Variants in GSTA5 observed in about 807,000 individuals in gnomAD.
GSTA5 encodes the protein glutathione S-transferase alpha 5.
GSTA5 carries 25 observed loss-of-function variants against 21.8 expected under a neutral mutation model. That is an observed-to-expected ratio of 1.14 (90% CI 0.83 to 1.60). The LOEUF is 1.60. GSTA5 is among the 40% of genes most tolerant of loss of function. The probability of loss-of-function intolerance (pLI) is 0.00; values close to 1 mark genes in which losing one functional copy is unlikely to be tolerated. For missense variants in GSTA5, 330 were observed against 259.2 expected, an observed-to-expected ratio of 1.27 and a Z score of -1.88; for synonymous variants, 102 against 89.5, an observed-to-expected ratio of 1.14 and a Z score of -0.78.
In GSTA5 at chr6:52,840,758, A is replaced by G. The variant is rs765813263; in HGVS notation, c.56T>C (p.Ile19Thr). Residue 19 changes from isoleucine (I) to threonine (T), a missense_variant, in exon 1 of 6, where the codon ATT (isoleucine) becomes ACT (threonine). Coordinates refer to ENST00000370989, the Ensembl canonical transcript of GSTA5. ...TCCAGCTGCAGCCAGGAGCCACCGA[A>G]TGGACTCCATACTGCCCCGTGCATT... The G allele has an allele frequency of 3.7e-6, 6 of 1,614,058 alleles. No individual in the cohort carries two copies. The East Asian group carries it at 6.7e-5, about 18-fold the overall frequency.
chr6:52,844,289 T>C (rs1212231507), upstream of GSTA5, among the ~76,000 whole-genome samples: 1 of 152,186 alleles, frequency 6.6e-6, no homozygotes, highest in African/African-American at 2.4e-5. Context: ...TATATTTTTC[T>C]ATTCATAGTA....
chr6:52,833,104 G>A, intron 4 of GSTA5, 114 bp from the exon 5 acceptor site: 1 of 1,184,232 alleles, frequency 8.4e-7, no homozygotes, highest in South Asian at 1.3e-5. Context: ...TTATTGCATG[G>A]GTGCAGAAAT....
In GSTA5 at chr6:52,836,380, G is replaced by GA. The variant is rs569817873; in HGVS notation, c.140-13dup. Reference sequence around the variant, plus strand: ...CAGCAAACTCCCATCTTAGAAAGAAGAAAAAAAAAGGAGTATGAAGTGTCT... The same window carrying GA: ...CAGCAAACTCCCATCTTAGAAAGAAGAAAAAAAAAAGGAGTATGAAGTGTCT... On this transcript the variant is annotated splice_polypyrimidine_tract_variant and intron_variant, in intron 2 of 5. Coordinates refer to ENST00000370989, the Ensembl canonical transcript of GSTA5. 499 of 1,514,404 alleles carry GA rather than the reference G, an allele frequency of 3.3e-4. No homozygotes were observed. Among genetic ancestry groups the GA allele is most frequent in the Middle Eastern group, 7.0e-4 (4 of 5,724 alleles). 93.8% of individuals were successfully genotyped at this position (1,514,404 alleles called of 1,614,324 possible).
At chr6:52,838,863 T>C (rs1764327273) in intron 1 of GSTA5, among the ~76,000 whole-genome samples, 1 of 152,228 alleles carries the variant, frequency 6.6e-6, no homozygotes, top group African/African-American at 2.4e-5. Flanking sequence ...TTTTCTTAAA[T>C]GGAATTTTGT....
chr6:52,834,973 G>C (rs778620774), intron 3 of GSTA5, among the ~76,000 whole-genome samples: 26 of 152,092 alleles, frequency 1.7e-4, no homozygotes, highest in Non-Finnish European at 3.4e-4. Context: ...TGTCAAACTA[G>C]AGTTTCACAA....
At chr6:52,834,358 T>G in intron 3 of GSTA5, 76 bp from the exon 4 acceptor site, 1 of 1,457,706 alleles carries the variant, frequency 6.9e-7, no homozygotes, top group Admixed American at 2.1e-5. Flanking sequence ...CCTAAGAAAA[T>G]AGAGGGTCAG....
At chr6:52,835,727 G>T (rs1764283198) in intron 3 of GSTA5, among the ~76,000 whole-genome samples, 1 of 152,082 alleles carries the variant, frequency 6.6e-6, no homozygotes, top group Non-Finnish European at 1.5e-5. Flanking sequence ...CCAGCATCCT[G>T]GGCACCAGCC....
At chr6:52,840,497 G>A (rs1335942775) in intron 1 of GSTA5, among the ~76,000 whole-genome samples, 4 of 152,024 alleles carry the variant, frequency 2.6e-5, no homozygotes, top group Non-Finnish European at 5.9e-5. Context: ...ATCCACTTAA[G>A]TTCTACACTT....
intron 1 of GSTA5, among the ~76,000 whole-genome samples, chr6:52,838,765 T>A (rs1269880347): frequency 6.6e-6 from 1 of 152,256 alleles, no homozygotes; most frequent in Non-Finnish European, 1.5e-5. Flanking sequence ...CAATCTTGAC[T>A]CTGCCTCAAA....
At chr6:52,835,506 G>A (rs542914557) in intron 3 of GSTA5, among the ~76,000 whole-genome samples, 1 of 152,310 alleles carries the variant, frequency 6.6e-6, no homozygotes, top group East Asian at 1.9e-4. Flanking sequence ...TAGTGTGGAT[G>A]TATTTTTGAT....
intron 1 of GSTA5, among the ~76,000 whole-genome samples, chr6:52,839,384 G>T (rs1764340404): frequency 6.6e-6 from 1 of 152,190 alleles, no homozygotes; most frequent in Non-Finnish European, 1.5e-5. Context: ...CTGCAGAGCT[G>T]ATGTCTGCGT....
At chr6:52,833,439 G>T (rs1209059093) in intron 4 of GSTA5, among the ~76,000 whole-genome samples, 1 of 152,126 alleles carries the variant, frequency 6.6e-6, no homozygotes, top group Non-Finnish European at 1.5e-5. Flanking sequence ...CTATTTCAGA[G>T]TCCTCATTTG....
At chr6:52,839,373 G>A (rs1019998375) in intron 1 of GSTA5, among the ~76,000 whole-genome samples, 23 of 152,176 alleles carry the variant, frequency 1.5e-4, no homozygotes, top group African/African-American at 5.6e-4. Context: ...ACATCCCTGA[G>A]CTGCAGAGCT....
intron 4 of GSTA5, among the ~76,000 whole-genome samples, chr6:52,833,319 C>T (rs868581295): frequency 1.4e-4 from 21 of 152,306 alleles, no homozygotes; most frequent in South Asian, 6.2e-4. Flanking sequence ...GGCCCTACAG[C>T]GTGGAGCCCT....
the GSTA5 span, chr6:52,846,055 C>T: frequency 6.3e-6 from 1 of 157,508 alleles, no homozygotes; most frequent in African/African-American, 2.4e-5. Flanking sequence ...AAGATCAGTA[C>T]TTAGTTTGTT....
chr6:52,833,286 CT>C (rs1257706871), intron 4 of GSTA5, among the ~76,000 whole-genome samples: 7 of 152,114 alleles, frequency 4.6e-5, no homozygotes, highest in Admixed American at 1.3e-4. Flanking sequence ...TAGCACCTGC[CT>C]CCATGTGTTC....
chr6:52,838,471 T>A (rs2127324712), intron 1 of GSTA5, among the ~76,000 whole-genome samples: 1 of 152,376 alleles, frequency 6.6e-6, no homozygotes, highest in Non-Finnish European at 1.5e-5. Context: ...ATGTTTAGAA[T>A]TTTGAAACTA....
chr6:52,840,816 T>C lies in GSTA5; in HGVS notation c.-3A>G, dbSNP rs777181404. On this transcript the variant is annotated 5_prime_UTR_variant, in exon 1 of 6. Transcript: ENST00000370989. The stretch of plus-strand genomic sequence containing the variant: ...TGGAGCTTGGGCTTCTCTGCCATGA[T>C]AGCAGTCTCCTGGAGGTTTCTCTAA... The C allele has an allele frequency of 1.7e-5, 28 of 1,613,382 alleles. No homozygotes were observed. The highest frequency in any genetic ancestry group is 6.7e-5 in the East Asian group (3 of 44,880).
exon 4 of GSTA5, chr6:52,834,205 C>G (rs1400026232): frequency 6.2e-7 from 1 of 1,614,014 alleles, no homozygotes; most frequent in African/African-American, 1.3e-5. Context: ...CTTGGCATCT[C>G]TTTCCTCTGG....
Sources: gnomAD v4.1 joint callset for allele counts (sites outside exome capture counted in the v4.1 genomes callset) on GRCh38, gnomAD v4.1.1 for gene constraint, MANE v1.5 for transcripts, NCBI Gene and HGNC (gene_info 2026-07-23, HGNC 2026-07-21) for gene names.